Variants in NCKAP5 observed in about 807,000 individuals in gnomAD.
The protein encoded by NCKAP5 is NCK associated protein 5, also known as nck-associated protein 5.
NCKAP5 carries 92 observed loss-of-function variants against 167.0 expected under a neutral mutation model. The observed-to-expected ratio is 0.55, with a 90% CI of 0.47 to 0.66. The LOEUF (loss-of-function observed/expected upper bound fraction) is 0.66, where lower values mean the gene tolerates loss of function less well. Ranked by LOEUF, NCKAP5 falls within the 30% of genes least tolerant of loss-of-function variation. NCKAP5 has a pLI of 0.00. For missense variants in NCKAP5, 2,378 were observed against 2,315.0 expected (o/e 1.03, Z -0.56); for synonymous variants, 891 against 877.4 (o/e 1.02, Z -0.27).
At position 132,783,897 on chromosome 2, in the gene NCKAP5, G is replaced by T; in HGVS notation, c.2914C>A (p.Pro972Thr). 1 of 1,544,362 alleles carries T rather than the reference G, an allele frequency of 6.5e-7. No homozygotes were observed. The highest frequency in any genetic ancestry group is 8.7e-7 in the Non-Finnish European group (1 of 1,150,086). ...SETARTPFKS[P>T]LLKGISAPVI... ...GGAGCAGAAATTCCTTTCAGCAGCG[G>T]GGATTTGAATGGGGTCCTTGCTGTT... Residue 972 changes from proline (P) to threonine (T), a missense_variant, in exon 14 of 20, where the codon CCG (proline) becomes ACG (threonine). Transcript: ENST00000409261.
intron 19 of NCKAP5, among the ~76,000 whole-genome samples, chr2:132,719,573 C>T (rs76688187): frequency 0.016 from 2,423 of 152,258 alleles, 70 homozygotes; most frequent in African/African-American, 0.055. Context: ...GAGGGCACTT[C>T]GGTGGCAGTG....
At chr2:133,419,011 G>A (rs1293023344) in intron 3 of NCKAP5, among the ~76,000 whole-genome samples, 1 of 152,182 alleles carries the variant, frequency 6.6e-6, no homozygotes, top group African/African-American at 2.4e-5. Context: ...GAGAGGTTGT[G>A]TCCCAAGCAG....
At chr2:132,683,796 T>C (rs1411087374) in intron 19 of NCKAP5, among the ~76,000 whole-genome samples, 1 of 152,222 alleles carries the variant, frequency 6.6e-6, no homozygotes, top group Non-Finnish European at 1.5e-5. Flanking sequence ...GGAAGTTTGG[T>C]GACCCATCTT....
chr2:133,534,782 T>G (rs899813028), intron 2 of NCKAP5, among the ~76,000 whole-genome samples: 1 of 152,216 alleles, frequency 6.6e-6, no homozygotes, highest in Non-Finnish European at 1.5e-5. Flanking sequence ...ACATTTTTGT[T>G]AAAACACTCC....
intron 2 of NCKAP5, among the ~76,000 whole-genome samples, chr2:133,547,648 C>A (rs1195036325): frequency 6.6e-6 from 1 of 151,570 alleles, no homozygotes; most frequent in Non-Finnish European, 1.5e-5. Flanking sequence ...GGTATTCCAA[C>A]AGACCTACAG....
chr2:133,458,298 C>G (rs965116871), intron 3 of NCKAP5, among the ~76,000 whole-genome samples: 2 of 152,108 alleles, frequency 1.3e-5, no homozygotes, highest in African/African-American at 4.8e-5. Context: ...GAAACTCTTT[C>G]AACAATGAAA....
intron 4 of NCKAP5, among the ~76,000 whole-genome samples, chr2:133,288,594 C>G (rs1679336719): frequency 6.6e-6 from 1 of 151,102 alleles, no homozygotes; most frequent in African/African-American, 2.4e-5. Context: ...GCAGCACACT[C>G]TGCTTATAGC....
intron 4 of NCKAP5, among the ~76,000 whole-genome samples, chr2:133,282,066 T>A (rs2089956071): frequency 6.6e-6 from 1 of 152,124 alleles, no homozygotes; most frequent in African/African-American, 2.4e-5. Context: ...TGACAACTCA[T>A]TAAATGTTTA....
intron 6 of NCKAP5, among the ~76,000 whole-genome samples, chr2:133,021,201 A>G (rs976091902): frequency 6.6e-6 from 1 of 152,208 alleles, no homozygotes; most frequent in Non-Finnish European, 1.5e-5. Flanking sequence ...GAGGAAAAGC[A>G]GGTTACGGCA....
intron 4 of NCKAP5, among the ~76,000 whole-genome samples, chr2:133,235,644 C>T (rs1400686923): frequency 3.9e-5 from 6 of 152,078 alleles, no homozygotes; most frequent in Non-Finnish European, 2.9e-5. Context: ...TGGCTCATGC[C>T]TGCAATCCCA....
intron 16 of NCKAP5, among the ~76,000 whole-genome samples, chr2:132,741,668 A>G (rs5010449): frequency 0.047 from 7,215 of 152,236 alleles, 207 homozygotes; most frequent in Non-Finnish European, 0.071. Context: ...CTAACTGAAA[A>G]AAACAAACTT....
chr2:133,585,785 C>T, the NCKAP5 span, among the ~76,000 whole-genome samples: 1 of 152,172 alleles, frequency 6.6e-6, no homozygotes, highest in African/African-American at 2.4e-5. Context: ...ATTATCTACC[C>T]CTACTCACAG....
the NCKAP5 span, among the ~76,000 whole-genome samples, chr2:133,574,290 T>C: frequency 1.3e-5 from 2 of 152,082 alleles, no homozygotes; most frequent in Non-Finnish European, 2.9e-5. Flanking sequence ...CAGATCATAA[T>C]AGTCCCAGAC....
intron 3 of NCKAP5, among the ~76,000 whole-genome samples, chr2:133,491,279 G>A (rs909919246): frequency 2.6e-5 from 4 of 152,164 alleles, no homozygotes; most frequent in African/African-American, 7.2e-5. Flanking sequence ...TGTAATGTCC[G>A]GGAATGACCA....
At chr2:132,727,826 T>C (rs1009711514) in intron 18 of NCKAP5, among the ~76,000 whole-genome samples, 1 of 152,170 alleles carries the variant, frequency 6.6e-6, no homozygotes, top group Non-Finnish European at 1.5e-5. Context: ...GCCCAGAGGA[T>C]CTGCTCCCCT....
chr2:133,269,473 A>C (rs2089411775), intron 4 of NCKAP5, among the ~76,000 whole-genome samples: 1 of 152,210 alleles, frequency 6.6e-6, no homozygotes, highest in African/African-American at 2.4e-5. Context: ...CAAGCCATGC[A>C]AATATCTGGG....
At chr2:132,794,925 G>A (rs1684458451) in intron 12 of NCKAP5, among the ~76,000 whole-genome samples, 1 of 152,154 alleles carries the variant, frequency 6.6e-6, no homozygotes, top group South Asian at 2.1e-4. Flanking sequence ...TACCTTTGCT[G>A]TGGTTTGCTG....
intron 11 of NCKAP5, among the ~76,000 whole-genome samples, chr2:132,805,169 G>T (rs1190057237): frequency 6.6e-6 from 1 of 152,156 alleles, no homozygotes; most frequent in East Asian, 1.9e-4. Flanking sequence ...CACTAAGTGT[G>T]TGTTTCACAT....
rs116185590 is a variant in NCKAP5, at chr2:132,867,127, T to C, written c.687+1809A>G. Among the ~76,000 whole-genome samples the C allele has an allele frequency of 9.2e-3, 1,406 of 152,222 alleles. 16 individuals are homozygous for C. Among genetic ancestry groups the C allele is most frequent in the African/African-American group, 0.033 (1,351 of 41,544 alleles). On this transcript the variant is annotated intron_variant, in intron 10 of 19. Coordinates refer to ENST00000409261, the MANE Select transcript of NCKAP5 (RefSeq NM_207363.3). ...TACTTGGATTTGTGTAGCTATTTTT[T>C]TTTTTGTAGCTGACCTGAAGGGTCC...
Sources: gnomAD v4.1 joint callset for allele counts (sites outside exome capture counted in the v4.1 genomes callset) on GRCh38, gnomAD v4.1.1 for gene constraint, MANE v1.5 for transcripts, NCBI Gene and HGNC (gene_info 2026-07-23, HGNC 2026-07-21) for gene names.